The following MMP10 variants were observed in gnomAD, a reference collection of about 807,000 sequenced individuals.
MMP10 encodes stromelysin-2.
A neutral mutation model predicts 49.1 loss-of-function variants in MMP10; 50 were observed. That is an observed-to-expected ratio of 1.02 (90% CI 0.81 to 1.29). The LOEUF (loss-of-function observed/expected upper bound fraction) is 1.29. Ranked by LOEUF, MMP10 falls within the 50% of genes most tolerant of loss-of-function variation. The probability of loss-of-function intolerance (pLI) is 0.00; values close to 1 mark genes in which losing one functional copy is unlikely to be tolerated. For missense variants in MMP10, 613 were observed against 563.8 expected (o/e 1.09, Z -0.88); for synonymous variants, 229 against 201.6 (o/e 1.14, Z -1.15).
Position 102,776,320 on chromosome 11 carries a change from T to C in MMP10, c.892A>G (p.Ile298Val), listed in dbSNP as rs377721971. 1.9e-6 allele frequency: 3 copies of C among 1,613,758 alleles called. No homozygotes were observed. Among genetic ancestry groups the C allele is most frequent in the Admixed American group, 1.7e-5 (1 of 59,952 alleles). Residue 298 changes from isoleucine (I) to valine (V), a missense_variant, in exon 6 of 10, where the codon ATC becomes GTC. Physicochemically the swap from Ile to Val is conservative, Grantham distance 29 (BLOSUM62 3). Transcript: ENST00000279441. ...AGATATTCTCCCCTCAGAGTGCTGA[T>C]GGCATCGAAGGACAAAGCAGGATCA... ...KCDPALSFDA[I>V]STLRGEYLFF...
rs1213512727 is a variant in MMP10, at chr11:102,770,652, A to G, written c.*141T>C. ...AAGAATTCCAGAAACATTCTTCATGACACATGCAGATATCTGCAAGGCTCA... is the reference window on the plus strand; with the variant it reads ...AAGAATTCCAGAAACATTCTTCATGGCACATGCAGATATCTGCAAGGCTCA... On this transcript the variant is annotated 3_prime_UTR_variant, in exon 10 of 10. Coordinates refer to ENST00000279441, the MANE Select transcript of MMP10 (RefSeq NM_002425.3). 2.1e-5 allele frequency: 11 copies of G among 527,512 alleles called. No homozygotes were observed. Among genetic ancestry groups the G allele is most frequent in the Non-Finnish European group, 3.6e-5 (11 of 301,832 alleles). 32.7% of individuals were successfully genotyped at this position (527,512 alleles called of 1,614,324 possible).
chr11:102,771,779 A>G (rs12807063), intron 9 of MMP10, among the ~76,000 whole-genome samples: 16,339 of 151,204 alleles, frequency 0.11, 1,074 homozygotes, highest in Middle Eastern at 0.23. Flanking sequence ...TTATGTGCGG[A>G]TATGAAACAG....
Position 102,770,753 on chromosome 11 carries a change from T to C in MMP10, c.*40A>G. 1 of 1,307,714 alleles carries C rather than the reference T, an allele frequency of 7.6e-7. No homozygotes were observed. The highest frequency in any genetic ancestry group is 1.1e-6 in the Non-Finnish European group (1 of 927,302). The allele number at this position is 1,307,714 out of a possible 1,614,324, so 81.0% of individuals were successfully genotyped here. On this transcript the variant is annotated 3_prime_UTR_variant, in exon 10 of 10. Coordinates refer to ENST00000279441, the MANE Select transcript of MMP10 (RefSeq NM_002425.3). ...ATACATTAGATGAATAATTATTAGA[T>C]TTATTAAAAACACCCATATCTGTCT...
intron 1 of MMP10, 72 bp downstream of exon 1, chr11:102,780,415 G>T: frequency 8.1e-7 from 1 of 1,227,772 alleles, no homozygotes; most frequent in Non-Finnish European, 1.2e-6. Flanking sequence ...TAATCATTCT[G>T]CTTTGTATTG....
intron 9 of MMP10, 115 bp downstream of exon 9, chr11:102,771,897 G>C: frequency 1.3e-5 from 9 of 717,926 alleles, no homozygotes; most frequent in Non-Finnish European, 2.1e-5. Context: ...GGAATTTGGA[G>C]TAAAAAAGAT....
rs779085625 is a variant in MMP10, at chr11:102,779,504, C to T, written c.347G>A (p.Arg116Lys). Residue 116 changes from arginine (R) to lysine (K), a missense_variant and splice_region_variant, in exon 2 of 10, where the codon AGG becomes AAG. Physicochemically the swap from Arg to Lys is conservative, Grantham distance 26. Transcript: ENST00000279441. Reference protein sequence around the residue: ...PKWRKTHLTYRIVNYTPDLPR... With the variant: ...PKWRKTHLTYKIVNYTPDLPR... ...TGTGAAAACTAATCTGAACCATTAC[C>T]TGTATGTAAGGTGGGTTTTCCTCCA... is the stretch of plus-strand genomic sequence containing the variant. The T allele has an allele frequency of 1.2e-6, 2 of 1,613,854 alleles. No homozygotes were observed. The highest frequency in any genetic ancestry group is 2.7e-5 in the African/African-American group (2 of 74,910).
At chr11:102,778,229 G>A (rs537022308) in intron 4 of MMP10, among the ~76,000 whole-genome samples, 36 of 152,082 alleles carry the variant, frequency 2.4e-4, no homozygotes, top group African/African-American at 8.2e-4. Flanking sequence ...GTAAAAAGGA[G>A]GCCAATGAGA....
At chr11:102,776,497 A>G in intron 5 of MMP10, 73 bp from the exon 6 acceptor site, 2 of 1,587,084 alleles carry the variant, frequency 1.3e-6, no homozygotes, top group Middle Eastern at 3.4e-4. Flanking sequence ...TGTGCCTTTC[A>G]AACATTCTCA....
In MMP10 at chr11:102,775,291, A is replaced by G; in HGVS notation, c.963T>C (p.Pro321=). 1 of 1,610,962 alleles carries G rather than the reference A, an allele frequency of 6.2e-7. No homozygotes were observed. The highest frequency in any genetic ancestry group is 8.5e-7 in the Non-Finnish European group (1 of 1,178,222). Residue 321 remains proline, a synonymous_variant, in exon 7 of 10, where the codon CCT becomes CCC. Transcript: ENST00000279441. ...RYFWRRSHWN[P]EPEFHLISAF... ...CAGAAATCAAATGAAATTCAGGTTCAGGGTTCCAGTGGGATCTTCGCCAAA... is the reference window on the plus strand; with the variant it reads ...CAGAAATCAAATGAAATTCAGGTTCGGGGTTCCAGTGGGATCTTCGCCAAA...
intron 6 of MMP10, 88 bp from the exon 7 acceptor site, chr11:102,775,409 C>T (rs1479764550): frequency 2.7e-6 from 3 of 1,124,600 alleles, no homozygotes; most frequent in Admixed American, 4.7e-5. Context: ...TGCTAATTCA[C>T]CCATTCATAG....
intron 6 of MMP10, 70 bp downstream of exon 6, chr11:102,776,210 G>A (rs1857730211): frequency 2.8e-6 from 4 of 1,415,338 alleles, no homozygotes; most frequent in South Asian, 2.7e-5. Flanking sequence ...GCTCTGTCAA[G>A]TTTCTGTTTT....
At position 102,776,682 on chromosome 11, in the gene MMP10, G is replaced by A; in HGVS notation, c.717C>T (p.Tyr239=). The stretch of plus-strand genomic sequence containing the variant: ...ACTGGGCGAGCTCTGTGAATGAGTT[G>A]TAGAGTGGGTACATCAAAGCTTCAG... ...ANTEALMYPL[Y]NSFTELAQFR... The change falls in exon 5 of 10, where the codon TAC becomes TAT. Residue 239 remains tyrosine (Y), a synonymous_variant. Transcript: ENST00000279441. 6.2e-7 allele frequency: 1 copy of A among 1,614,050 alleles called. No homozygotes were observed.
intron 7 of MMP10, 135 bp downstream of exon 7, chr11:102,775,053 G>T: frequency 3.3e-6 from 2 of 602,662 alleles, no homozygotes; most frequent in Non-Finnish European, 2.5e-6. Flanking sequence ...AATGTTCTTT[G>T]TACAAATTTT....
At chr11:102,773,258 A>T (rs1861992337) in intron 7 of MMP10, among the ~76,000 whole-genome samples, 1 of 152,174 alleles carries the variant, frequency 6.6e-6, no homozygotes, top group Non-Finnish European at 1.5e-5. Flanking sequence ...TAGTTTATTT[A>T]TAGATCAGTT....
intron 4 of MMP10, among the ~76,000 whole-genome samples, 170 bp from the exon 5 acceptor site, chr11:102,776,946 T>C (rs1027702677): frequency 2.0e-5 from 3 of 152,190 alleles, no homozygotes; most frequent in African/African-American, 7.2e-5. Flanking sequence ...ATTAATGTGT[T>C]TTTCAAGGTT....
In MMP10 at chr11:102,770,721, G is replaced by A; in HGVS notation, c.*72C>T. 1.0e-6 allele frequency: 1 copy of A among 980,014 alleles called. No homozygotes were observed. Among genetic ancestry groups the A allele is most frequent in the Admixed American group, 2.4e-5 (1 of 42,000 alleles). The allele number at this position is 980,014 out of a possible 1,614,324, so 60.7% of individuals were successfully genotyped here. A position where few individuals can be genotyped will look rare whatever the true frequency, so the allele number is the denominator to read the frequency against. ...CATGCAGGAAAAATTAACCATTTTG[G>A]CTCATAATACATTAGATGAATAATT... On this transcript the variant is annotated 3_prime_UTR_variant, in exon 10 of 10. Coordinates refer to ENST00000279441, the MANE Select transcript of MMP10 (RefSeq NM_002425.3).
rs775030472 is a variant in MMP10, at chr11:102,779,659, T to A, written c.192A>T (p.Gln64His). 2 of 1,613,900 alleles carry A rather than the reference T, an allele frequency of 1.2e-6. No individual in the cohort carries two copies. The highest frequency in any genetic ancestry group is 1.7e-6 in the Non-Finnish European group (2 of 1,180,000). The change falls in exon 2 of 10, where the codon CAA becomes CAT. Residue 64 changes from glutamine to histidine, a missense_variant. Transcript: ENST00000279441. ...CCAACCCAAGGAACTTCTGCATTCC[T>A]TGGATTTTTTTAACAATGAGATTAC... ...KDSNLIVKKI[Q>H]GMQKFLGLEV...
rs1481156426 is a variant in MMP10 at position 102,776,603 on chromosome 11, A to C, written c.787+9T>G. The C allele has an allele frequency of 1.2e-6, 2 of 1,603,932 alleles. No individual in the cohort carries two copies. Among genetic ancestry groups the C allele is most frequent in the Admixed American group, 1.8e-5 (1 of 56,710 alleles). On this transcript the variant is annotated intron_variant, in intron 5 of 9. Coordinates refer to ENST00000279441, the MANE Select transcript of MMP10 (RefSeq NM_002425.3). ...ATCTGCAATGCCTAATTTTTCCAGCATCACTCACCGTAGAGAGACTGAATG... is the reference window on the plus strand; with the variant it reads ...ATCTGCAATGCCTAATTTTTCCAGCCTCACTCACCGTAGAGAGACTGAATG...
chr11:102,778,707 A>C lies in MMP10; in HGVS notation c.539T>G (p.Leu180Trp), dbSNP rs1857781034. 2 of 1,613,930 alleles carry C rather than the reference A, an allele frequency of 1.2e-6. No homozygotes were observed. Among genetic ancestry groups the C allele is most frequent in the African/African-American group, 2.7e-5 (2 of 74,914 alleles). Reference protein sequence around the residue: ...FYSFDGPGHSLAHAYPPGPGL... With the variant: ...FYSFDGPGHSWAHAYPPGPGL... ...AGGTCCAGGTGGGTAGGCATGAGCC[A>C]AACTGTGTCCTGGGCCATCAAAAGA... Residue 180 changes from leucine to tryptophan, a missense_variant, in exon 4 of 10, where the codon TTG becomes TGG. Leu to Trp is a moderately conservative substitution (Grantham distance 61). Transcript: ENST00000279441.
Sources: allele counts gnomAD v4.1 joint callset (sites outside exome capture counted in the v4.1 genomes callset), GRCh38; gene constraint gnomAD v4.1.1; transcripts MANE v1.5; gene names NCBI Gene and HGNC (gene_info 2026-07-23, HGNC 2026-07-21).